The following FOXK2 variants were observed in gnomAD, a reference collection of about 807,000 sequenced individuals.
FOXK2 encodes the protein forkhead box K2, also known as forkhead box protein K2.
In FOXK2, 24 loss-of-function variants were observed where a neutral mutation model predicts 53.3. That is an observed-to-expected ratio of 0.45 (90% CI 0.33 to 0.63). The LOEUF is 0.63. FOXK2 is among the 30% of genes least tolerant of loss of function. The probability of loss-of-function intolerance (pLI) is 0.03; values close to 1 mark genes in which losing one functional copy is unlikely to be tolerated. For missense variants in FOXK2, 952 were observed against 910.5 expected (o/e 1.05, Z -0.59); for synonymous variants, 505 against 407.1 (o/e 1.24, Z -2.89).
At chr17:82,551,033 A>C (rs1279511486) in intron 1 of FOXK2, among the ~76,000 whole-genome samples, 2 of 152,058 alleles carry the variant, frequency 1.3e-5, no homozygotes, top group African/African-American at 4.8e-5. Context: ...ATTTGTGCTG[A>C]AAGGCCGGAA....
intron 8 of FOXK2, chr17:82,587,613 G>A (rs1485105254): frequency 8.0e-6 from 3 of 376,256 alleles, no homozygotes; most frequent in Non-Finnish European, 1.5e-5. Context: ...CGCGCGCCCT[G>A]TGGCCTGTGG....
intron 1 of FOXK2, among the ~76,000 whole-genome samples, chr17:82,535,748 G>GTTTTTTTTTTTTTTTTTTTTTT (rs138654812): frequency 7.1e-6 from 1 of 140,108 alleles, no homozygotes. Flanking sequence ...GTGTGTTTTT[G>GTTTTTTTTTTTTTTTTTTTTTT]TTTTTGTTTT....
intron 8 of FOXK2, chr17:82,588,411 G>C (rs932159503): frequency 6.0e-6 from 1 of 165,496 alleles, no homozygotes; most frequent in African/African-American, 2.4e-5. Flanking sequence ...GAGGGCAGGC[G>C]GTTGGAGGGC....
At chr17:82,560,846 A>G (rs1195234710) in intron 1 of FOXK2, among the ~76,000 whole-genome samples, 1 of 152,162 alleles carries the variant, frequency 6.6e-6, no homozygotes. Context: ...CTCTAGTCCC[A>G]GCTACTCAGG....
intron 1 of FOXK2, among the ~76,000 whole-genome samples, chr17:82,544,654 T>C (rs1465503881): frequency 6.6e-6 from 1 of 152,240 alleles, no homozygotes. Context: ...CAGAATTGGC[T>C]GCCAGATGAT....
rs1399341150 is a variant in FOXK2 at position 82,520,233 on chromosome 17, C to T, written c.345C>T (p.Cys115=). The T allele has an allele frequency of 3.9e-5, 51 of 1,315,310 alleles. No individual in the cohort carries two copies. The highest frequency in any genetic ancestry group is 4.8e-5 in the Non-Finnish European group (50 of 1,032,684). The allele number at this position is 1,315,310 out of a possible 1,614,324, so 81.5% of individuals were successfully genotyped here. A position where few individuals can be genotyped will look rare whatever the true frequency, so the allele number is the denominator to read the frequency against. ...CCGGCGGCGACTTCTACCTGCGCTG[C>T]TTGGGCAAGAACGGGGTATTCGTGG... is the stretch of plus-strand genomic sequence containing the variant. ...PDAGGDFYLR[C]LGKNGVFVDG... Residue 115 remains cysteine (C), a synonymous_variant, in exon 1 of 9, where the codon TGC becomes TGT. Transcript: ENST00000335255.
In FOXK2 at chr17:82,571,724, G is replaced by A; in HGVS notation, c.763G>A (p.Asp255Asn). The A allele has an allele frequency of 6.5e-7, 1 of 1,530,914 alleles. No individual in the cohort carries two copies. The highest frequency in any genetic ancestry group is 1.3e-5 in the South Asian group (1 of 79,766). The allele number at this position is 1,530,914 out of a possible 1,614,324, so 94.8% of individuals were successfully genotyped here. ...TTTTGTGTTTGTTTTTTAAATACAG[G>A]ATGATTCAAAGCCGCCTTACTCCTA... ...KEASGGDSPK[D>N]DSKPPYSYAQ... Residue 255 changes from aspartate to asparagine, a missense_variant and splice_region_variant, in exon 4 of 9, where the codon GAT (aspartate) becomes AAT (asparagine). Transcript: ENST00000335255.
intron 1 of FOXK2, among the ~76,000 whole-genome samples, chr17:82,541,927 C>T (rs2044578344): frequency 6.6e-6 from 1 of 151,204 alleles, no homozygotes; most frequent in Non-Finnish European, 1.5e-5. Context: ...GTTTCCCAGG[C>T]TGGAGTGCAG....
At chr17:82,584,244 C>A in intron 6 of FOXK2, 56 bp downstream of exon 6, 1 of 1,483,782 alleles carries the variant, frequency 6.7e-7, no homozygotes, top group Non-Finnish European at 9.0e-7. Flanking sequence ...GACGCGGACG[C>A]CTGGGCTCCA....
chr17:82,574,320 TC>T (rs1263350913), intron 4 of FOXK2, among the ~76,000 whole-genome samples: 4 of 128,458 alleles, frequency 3.1e-5, no homozygotes, highest in South Asian at 2.4e-4. Flanking sequence ...TTACTCTCTC[TC>T]TTTTTTTTTT....
intron 1 of FOXK2, among the ~76,000 whole-genome samples, chr17:82,562,287 TAAAGA>T (rs898709301): frequency 2.6e-5 from 4 of 152,138 alleles, no homozygotes; most frequent in Non-Finnish European, 5.9e-5. Context: ...ATTTTTTATT[TAAAGA>T]AAAGGAGGCT....
intron 8 of FOXK2, chr17:82,598,905 G>A (rs1160519761): frequency 6.6e-6 from 1 of 152,016 alleles, no homozygotes; most frequent in East Asian, 1.9e-4. Flanking sequence ...ACCGACGTCA[G>A]GGAATGTGGG....
In FOXK2 at chr17:82,557,033, T is replaced by TA. The variant is rs199582980; in HGVS notation, c.420-6321_420-6320insA. Among the ~76,000 whole-genome samples the TA allele has an allele frequency of 6.2e-4, 84 of 134,628 alleles. No homozygotes were observed. The South Asian group carries it at 8.2e-3, about 13-fold the overall frequency. The allele number at this position is 134,628 out of a possible 152,430, so 88.3% of individuals were successfully genotyped here. A position where few individuals can be genotyped will look rare whatever the true frequency, so the allele number is the denominator to read the frequency against. ...TTTATTTTTATTTTATTATTATTATTTTTTATTTTTTTTTTGAGACAGAGT... is the reference window on the plus strand; with the variant it reads ...TTTATTTTTATTTTATTATTATTATTATTTTATTTTTTTTTTGAGACAGAGT... On this transcript the variant is annotated intron_variant, in intron 1 of 8. Coordinates refer to ENST00000335255, the MANE Select transcript of FOXK2 (RefSeq NM_004514.4).
intron 2 of FOXK2, among the ~76,000 whole-genome samples, chr17:82,564,069 A>G (rs1020423449): frequency 3.4e-5 from 5 of 149,156 alleles, no homozygotes; most frequent in Non-Finnish European, 5.9e-5. Context: ...CATTCTTTAA[A>G]AGATGTTTTT....
rs142976887 is a variant in FOXK2 at position 82,560,333 on chromosome 17, G to C, written c.420-3021G>C. Among the ~76,000 whole-genome samples the C allele has an allele frequency of 2.9e-3, 443 of 152,170 alleles. 2 individuals are homozygous for C. The Middle Eastern group carries it at 0.031, about 11-fold the overall frequency. On this transcript the variant is annotated intron_variant, in intron 1 of 8. Transcript: ENST00000335255. ...CTTCTCGCTGTTATTTAAGGGAAGC[G>C]GTCTCACTGTGTGGCACAGGCTGGT...
chr17:82,563,095 C>T (rs561776440), intron 1 of FOXK2, among the ~76,000 whole-genome samples: 16 of 152,286 alleles, frequency 1.1e-4, no homozygotes, highest in Middle Eastern at 3.4e-3. Flanking sequence ...GCATGAGCTA[C>T]GATACCTGGC....
chr17:82,581,916 A>C (rs2045067366), intron 4 of FOXK2, among the ~76,000 whole-genome samples: 1 of 151,970 alleles, frequency 6.6e-6, no homozygotes, highest in South Asian at 2.1e-4. Context: ...TGGGAGGGAA[A>C]TTTTTCCTGT....
At chr17:82,569,975 C>T (rs148158792) in intron 3 of FOXK2, among the ~76,000 whole-genome samples, 85 of 152,232 alleles carry the variant, frequency 5.6e-4, no homozygotes, top group African/African-American at 1.8e-3. Context: ...TAATCCCCAG[C>T]ACTTTGGGAG....
chr17:82,568,050 A>G lies in FOXK2; in HGVS notation c.615-4A>G, dbSNP rs1427717844. ...TAATAGGAACAACTTTTTCTCTTCC[A>G]CAGCGCTGCAAACTCCTGCCCCTCC... is the stretch of plus-strand genomic sequence containing the variant. On this transcript the variant is annotated splice_polypyrimidine_tract_variant and splice_region_variant and intron_variant, in intron 2 of 8. Coordinates refer to ENST00000335255, the MANE Select transcript of FOXK2 (RefSeq NM_004514.4). 6.3e-7 allele frequency: 1 copy of G among 1,593,576 alleles called. No homozygotes were observed. Among genetic ancestry groups the G allele is most frequent in the Non-Finnish European group, 8.5e-7 (1 of 1,175,172 alleles).
Sources: allele counts gnomAD v4.1 joint callset (sites outside exome capture counted in the v4.1 genomes callset), GRCh38; gene constraint gnomAD v4.1.1; transcripts MANE v1.5; gene names NCBI Gene and HGNC (gene_info 2026-07-23, HGNC 2026-07-21).